Variants in AKAP9 observed in about 807,000 individuals in gnomAD.
The protein encoded by AKAP9 is A-kinase anchor protein 9.
A neutral mutation model predicts 488.5 loss-of-function variants in AKAP9; 311 were observed. The observed-to-expected ratio is 0.64, with a 90% CI of 0.58 to 0.70. The LOEUF (loss-of-function observed/expected upper bound fraction) is 0.70. Among genes scored for constraint, AKAP9 ranks in the 30% least tolerant of loss-of-function variants. AKAP9 has a pLI of 0.00. For synonymous variants in AKAP9, 1,462 were observed against 1,483.5 expected, an observed-to-expected ratio of 0.99 and a Z score of 0.33; for missense variants, 4,215 against 4,374.5, an observed-to-expected ratio of 0.96 and a Z score of 1.03.
In AKAP9 at chr7:92,003,058, A is replaced by C; in HGVS notation, c.3141A>C (p.Lys1047Asn). 2 of 1,613,286 alleles carry C rather than the reference A, an allele frequency of 1.2e-6. No individual in the cohort carries two copies. Among genetic ancestry groups the C allele is most frequent in the African/African-American group, 2.7e-5 (2 of 75,016 alleles). Reference protein sequence around the residue: ...KVNKSFGEESKIMVEDKVSFE... With the variant: ...KVNKSFGEESNIMVEDKVSFE... ...ATAAAAGTTTTGGTGAAGAATCAAA[A>C]ATAATGGTGGAAGATAAAGTTTCTT... Residue 1047 changes from lysine to asparagine, a missense_variant, in exon 8 of 50, where the codon AAA becomes AAC. Physicochemically the swap from Lys to Asn is moderately conservative, Grantham distance 94 (BLOSUM62 0). Transcript: ENST00000356239.
intron 7 of AKAP9, among the ~76,000 whole-genome samples, chr7:91,999,679 A>G (rs1481921657): frequency 6.6e-6 from 1 of 152,218 alleles, no homozygotes; most frequent in Admixed American, 6.5e-5. Context: ...GGTCATGCCT[A>G]TAGATGGGAA....
chr7:91,945,940 T>C (rs1274237947), intron 1 of AKAP9, among the ~76,000 whole-genome samples: 1 of 152,242 alleles, frequency 6.6e-6, no homozygotes, highest in Non-Finnish European at 1.5e-5. Flanking sequence ...GGTATACTTT[T>C]TAAAGTTATT....
chr7:91,941,898 G>GTGTGTA, intron 1 of AKAP9, among the ~76,000 whole-genome samples: 2 of 151,966 alleles, frequency 1.3e-5, no homozygotes, highest in East Asian at 3.9e-4. Context: ...GTGTGTGTGT[G>GTGTGTA]TGTGTGTGTG....
chr7:91,943,033 A>T (rs1790992248), intron 1 of AKAP9, among the ~76,000 whole-genome samples: 1 of 149,150 alleles, frequency 6.7e-6, no homozygotes, highest in Non-Finnish European at 1.5e-5. Context: ...AAAAAATTAA[A>T]TAAAAAAAAA....
chr7:91,954,090 T>C (rs1792636272), intron 1 of AKAP9, among the ~76,000 whole-genome samples: 1 of 152,062 alleles, frequency 6.6e-6, no homozygotes, highest in South Asian at 2.1e-4. Context: ...TATAGCTGGG[T>C]CTCATGGAAA....
At chr7:92,004,699 A>G (rs1208950633) in intron 8 of AKAP9, among the ~76,000 whole-genome samples, 1 of 152,218 alleles carries the variant, frequency 6.6e-6, no homozygotes, top group Non-Finnish European at 1.5e-5. Context: ...GTTGCTTATC[A>G]GCTTAAGGAG....
chr7:92,000,941 G>C lies in AKAP9; in HGVS notation c.1024G>C (p.Glu342Gln). Residue 342 changes from glutamate (E) to glutamine (Q), a missense_variant, in exon 8 of 50, where the codon GAA becomes CAA. Glu to Gln is a conservative substitution (Grantham distance 29, BLOSUM62 2). Around this residue, in one of 5 missense-constraint regions of AKAP9, gnomAD observed 2,361 missense variants for 2,430.0 expected, o/e 0.97. Coordinates refer to ENST00000356239, the MANE Select transcript of AKAP9 (RefSeq NM_005751.5). Reference protein sequence around the residue: ...EELNTKIIEEEKKTLELKDKL... With the variant: ...EELNTKIIEEQKKTLELKDKL... ...ATTAAACACAAAAATAATAGAAGAAGAAAAGAAAACTCTTGAGCTAAAGGA... is the reference window on the plus strand; with the variant it reads ...ATTAAACACAAAAATAATAGAAGAACAAAAGAAAACTCTTGAGCTAAAGGA... 1 of 1,495,820 alleles carries C rather than the reference G, an allele frequency of 6.7e-7. No individual in the cohort carries two copies. 92.7% of individuals were successfully genotyped at this position (1,495,820 alleles called of 1,614,324 possible).
At chr7:92,046,373 T>G (rs1807002261) in intron 21 of AKAP9, among the ~76,000 whole-genome samples, 1 of 152,226 alleles carries the variant, frequency 6.6e-6, no homozygotes, top group African/African-American at 2.4e-5. Context: ...TTGTAATTTT[T>G]GAGAGAATTC....
At chr7:92,013,290 C>T (rs1025166839) in intron 9 of AKAP9, among the ~76,000 whole-genome samples, 25 of 151,928 alleles carry the variant, frequency 1.6e-4, no homozygotes, top group African/African-American at 5.8e-4. Flanking sequence ...CGCGCCCGGC[C>T]GGGGTTGGAA....
chr7:92,079,903 T>C lies in AKAP9; in HGVS notation c.7770T>C (p.Asn2590=). The change falls in exon 31 of 50, where the codon AAT becomes AAC. Residue 2590 remains asparagine, a synonymous_variant. Coordinates refer to ENST00000356239, the MANE Select transcript of AKAP9 (RefSeq NM_005751.5). ...AAAGAACAAATATTCAGAATTTAAA[T>C]CAACTAAGAGAAGATGAGTTGGGGT... ...EPERTNIQNL[N]QLREDELGSD... is the part of the protein sequence containing the mutation. 6.2e-7 allele frequency: 1 copy of C among 1,613,844 alleles called. No homozygotes were observed. The highest frequency in any genetic ancestry group is 2.2e-5 in the East Asian group (1 of 44,852).
intron 3 of AKAP9, among the ~76,000 whole-genome samples, chr7:91,985,670 C>T (rs1319696782): frequency 2.0e-5 from 3 of 151,788 alleles, no homozygotes; most frequent in East Asian, 1.9e-4. Flanking sequence ...TTTTCTGTGG[C>T]GGAGTCTCAC....
At chr7:92,010,172 A>G (rs1485410167) in intron 8 of AKAP9, among the ~76,000 whole-genome samples, 3 of 152,310 alleles carry the variant, frequency 2.0e-5, no homozygotes, top group Non-Finnish European at 4.4e-5. Flanking sequence ...AATAGACACA[A>G]ACCTTCTTGG....
intron 1 of AKAP9, among the ~76,000 whole-genome samples, chr7:91,971,334 C>G (rs28615927): frequency 6.6e-6 from 1 of 151,842 alleles, no homozygotes; most frequent in African/African-American, 2.4e-5. Context: ...TTATAAAAAA[C>G]TTTTAATCTT....
At chr7:91,956,987 A>G (rs532712330) in intron 1 of AKAP9, among the ~76,000 whole-genome samples, 4 of 152,286 alleles carry the variant, frequency 2.6e-5, no homozygotes, top group Non-Finnish European at 4.4e-5. Context: ...CTTATTTTAA[A>G]TGCTTTAGTA....
In AKAP9 at chr7:91,960,222, T is replaced by C. The variant is rs922766228; in HGVS notation, c.49-13489T>C. Among the ~76,000 whole-genome samples the C allele has an allele frequency of 2.6e-5, 4 of 152,362 alleles. 1 individual carries two copies. Among genetic ancestry groups the C allele is most frequent in the Non-Finnish European group, 5.9e-5 (4 of 68,032 alleles). On this transcript the variant is annotated intron_variant, in intron 1 of 49. Coordinates refer to ENST00000356239, the MANE Select transcript of AKAP9 (RefSeq NM_005751.5). ...AACTAGGTAACACATTTAAGTAATA[T>C]TTTGTACCATTCTCTCGAGTATATT...
At chr7:91,986,672 AT>A (rs1191811197) in intron 3 of AKAP9, among the ~76,000 whole-genome samples, 39 of 152,154 alleles carry the variant, frequency 2.6e-4, no homozygotes, top group African/African-American at 8.7e-4. Flanking sequence ...CTTCAGCTAA[AT>A]TTTTTAAATT....
At chr7:92,097,487 G>A in intron 41 of AKAP9, 99 bp from the exon 42 acceptor site, 1 of 1,497,292 alleles carries the variant, frequency 6.7e-7, no homozygotes, top group Non-Finnish European at 9.1e-7. Flanking sequence ...ATCTATAGAA[G>A]TTTATTGGAT....
chr7:91,994,645 A>T lies in AKAP9; in HGVS notation c.601A>T (p.Lys201Ter). 6.2e-7 allele frequency: 1 copy of T among 1,612,980 alleles called. No individual in the cohort carries two copies. Among genetic ancestry groups the T allele is most frequent in the Non-Finnish European group, 8.5e-7 (1 of 1,179,496 alleles). The change falls in exon 6 of 50, where the codon AAA (lysine) becomes TAA (stop). Residue 201 changes from lysine to a stop codon, truncating the protein, a stop_gained. Transcript: ENST00000356239. LOFTEE classifies it high-confidence loss of function. ...GTTACAAGAATTTGAAGCTGCCATT[A>T]AACAAAGAGATGGCATTATAACCCA... is the stretch of plus-strand genomic sequence containing the variant. Reference protein sequence around the residue: ...QQLQEFEAAIKQRDGIITQLT... With the variant: ...QQLQEFEAAI
chr7:91,978,681 C>CT (rs201974831), intron 2 of AKAP9, among the ~76,000 whole-genome samples: 3 of 151,988 alleles, frequency 2.0e-5, no homozygotes, highest in South Asian at 2.1e-4. Flanking sequence ...TTAGTTATTA[C>CT]TTTTTTTAGC....
Sources: allele counts gnomAD v4.1 joint callset (sites outside exome capture counted in the v4.1 genomes callset), GRCh38; gene constraint gnomAD v4.1.1; regional missense constraint gnomAD v4.1.1; transcripts MANE v1.5; gene names NCBI Gene and HGNC (gene_info 2026-07-23, HGNC 2026-07-21).